The following WRN variants were observed in gnomAD, a reference collection of about 807,000 sequenced individuals.
The protein encoded by WRN is WRN RecQ like helicase.
WRN carries 149 observed loss-of-function variants against 180.7 expected under a neutral mutation model. The observed-to-expected ratio is 0.82, with a 90% CI of 0.72 to 0.94. The LOEUF is 0.94. Ranked by LOEUF, WRN falls within the 40% of genes least tolerant of loss-of-function variation. The pLI is 0.00. For missense variants in WRN, 1,661 were observed against 1,700.1 expected (o/e 0.98, Z 0.40); for synonymous variants, 548 against 568.9 (o/e 0.96, Z 0.52).
At chr8:31,043,835 G>A (rs1330692029) in intron 1 of WRN, among the ~76,000 whole-genome samples, 1 of 151,970 alleles carries the variant, frequency 6.6e-6, no homozygotes, top group Non-Finnish European at 1.5e-5. Context: ...CCTATTAATT[G>A]GTACCTCACC....
At chr8:31,062,051 G>A (rs1812505625) in intron 3 of WRN, among the ~76,000 whole-genome samples, 1 of 152,106 alleles carries the variant, frequency 6.6e-6, no homozygotes, top group African/African-American at 2.4e-5. Flanking sequence ...CTCTCCTTGG[G>A]ATTCTTCTCC....
chr8:31,155,933 T>TA (rs1256308100), intron 32 of WRN, among the ~76,000 whole-genome samples: 63 of 152,308 alleles, frequency 4.1e-4, no homozygotes, highest in Admixed American at 3.0e-3. Context: ...TAGCTTATCT[T>TA]ACTTACTGAA....
At chr8:31,035,272 A>AGTGT (rs998567516) in intron 1 of WRN, among the ~76,000 whole-genome samples, 2 of 151,416 alleles carry the variant, frequency 1.3e-5, no homozygotes, top group African/African-American at 4.8e-5. Context: ...GGGGATGAAG[A>AGTGT]GTGTGTGTGT....
chr8:31,080,267 A>G (rs1037498426), intron 8 of WRN, among the ~76,000 whole-genome samples: 5 of 152,184 alleles, frequency 3.3e-5, no homozygotes, highest in African/African-American at 1.2e-4. Context: ...TATACAGGCC[A>G]GCTCTTTGGA....
In WRN at chr8:31,083,695, A is replaced by G. The variant is rs769426897; in HGVS notation, c.1270-4A>G. On this transcript the variant is annotated splice_region_variant and splice_polypyrimidine_tract_variant and intron_variant, in intron 9 of 34. Transcript: ENST00000298139. ...GAAATTAATGCTTAATACTTTTTTT[A>G]AAGCATTTATCTCCCAATGATAATG... 7.5e-6 allele frequency: 12 copies of G among 1,609,648 alleles called. No homozygotes were observed. In the Admixed American group the frequency reaches 1.8e-4, roughly 25 times the overall value.
chr8:31,161,744 C>T (rs1803625285), intron 33 of WRN, among the ~76,000 whole-genome samples: 1 of 142,780 alleles, frequency 7.0e-6, no homozygotes, highest in African/African-American at 2.6e-5. Flanking sequence ...GAGGCTGAGG[C>T]AGGAGAATTG....
At position 31,140,003 on chromosome 8, in the gene WRN, G is replaced by GTTTTTTTTTTTTTTTTTT. The variant is rs71539917; in HGVS notation, c.2968-1414_2968-1397dup. On this transcript the variant is annotated intron_variant, in intron 24 of 34. Coordinates refer to ENST00000298139, the MANE Select transcript of WRN (RefSeq NM_000553.6). The stretch of plus-strand genomic sequence containing the variant: ...AAGCTCTATGTTTGTATACTTCTTT[G>GTTTTTTTTTTTTTTTTTT]TTTTTTTTTTTTTTTTTTTTTTTTT... Among the ~76,000 whole-genome samples, 8 of 62,086 alleles carry GTTTTTTTTTTTTTTTTTT rather than the reference G, an allele frequency of 1.3e-4. 1 individual carries two copies. The highest frequency in any genetic ancestry group is 2.4e-4 in the African/African-American group (4 of 16,498). 40.7% of individuals were successfully genotyped at this position (62,086 alleles called of 152,430 possible).
At chr8:31,108,651 A>ATGT in intron 18 of WRN, among the ~76,000 whole-genome samples, 1 of 152,144 alleles carries the variant, frequency 6.6e-6, no homozygotes, top group Non-Finnish European at 1.5e-5. Context: ...TAAAAAAAAA[A>ATGT]ATCCCCTTGT....
intron 33 of WRN, among the ~76,000 whole-genome samples, chr8:31,162,728 G>A (rs1803680996): frequency 2.6e-5 from 4 of 152,154 alleles, no homozygotes; most frequent in African/African-American, 9.7e-5. Flanking sequence ...TAGGTGGTAG[G>A]AACTTTTCAG....
intron 1 of WRN, among the ~76,000 whole-genome samples, chr8:31,036,212 T>TA (rs1811448945): frequency 6.6e-6 from 1 of 152,276 alleles, no homozygotes; most frequent in African/African-American, 2.4e-5. Context: ...TTATTATGGC[T>TA]TAATACTATT....
intron 18 of WRN, among the ~76,000 whole-genome samples, chr8:31,107,936 G>T (rs1289565873): frequency 6.6e-6 from 1 of 152,166 alleles, no homozygotes; most frequent in Non-Finnish European, 1.5e-5. Flanking sequence ...CACATAGTAG[G>T]TACTCAGTAA....
At chr8:31,112,403 T>C (rs959055523) in intron 19 of WRN, among the ~76,000 whole-genome samples, 13 of 152,210 alleles carry the variant, frequency 8.5e-5, no homozygotes, top group Admixed American at 7.2e-4. Context: ...CAAGGACTAT[T>C]GTAGGCGCTT....
intron 21 of WRN, among the ~76,000 whole-genome samples, 160 bp from the exon 22 acceptor site, chr8:31,124,362 A>G (rs569587588): frequency 1.3e-5 from 2 of 152,194 alleles, no homozygotes; most frequent in South Asian, 2.1e-4. Context: ...CTGGAAAGGA[A>G]TACAACAGAA....
intron 18 of WRN, among the ~76,000 whole-genome samples, chr8:31,110,448 GA>G (rs1206779870): frequency 2.0e-5 from 3 of 151,916 alleles, no homozygotes; most frequent in Non-Finnish European, 4.4e-5. Flanking sequence ...TTTTTAATTT[GA>G]AAAAACCTAC....
intron 17 of WRN, among the ~76,000 whole-genome samples, chr8:31,098,766 C>T (rs533863388): frequency 2.6e-5 from 4 of 152,224 alleles, no homozygotes; most frequent in African/African-American, 9.6e-5. Flanking sequence ...AGGCTCCTTA[C>T]CAACCAGACT....
intron 21 of WRN, among the ~76,000 whole-genome samples, chr8:31,121,493 A>G (rs1231459527): frequency 6.6e-6 from 1 of 152,026 alleles, no homozygotes; most frequent in Non-Finnish European, 1.5e-5. Flanking sequence ...ATAACTATGG[A>G]TACATAGGCT....
chr8:31,145,034 A>G (rs1229902074), intron 28 of WRN, among the ~76,000 whole-genome samples: 1 of 152,242 alleles, frequency 6.6e-6, no homozygotes, highest in Non-Finnish European at 1.5e-5. Flanking sequence ...AGGTTGGTTC[A>G]TGAGGTTTAA....
intron 23 of WRN, among the ~76,000 whole-genome samples, 177 bp downstream of exon 23, chr8:31,125,177 G>A (rs556717591): frequency 2.6e-5 from 4 of 151,686 alleles, no homozygotes; most frequent in African/African-American, 4.8e-5. Flanking sequence ...AATAGATAAA[G>A]CAATAAAATG....
At chr8:31,133,105 C>T (rs1350557792) in intron 24 of WRN, among the ~76,000 whole-genome samples, 4 of 152,010 alleles carry the variant, frequency 2.6e-5, no homozygotes, top group Non-Finnish European at 4.4e-5. Flanking sequence ...TAAACAACCA[C>T]GGGTACAAAT....
Sources: allele counts gnomAD v4.1 joint callset (sites outside exome capture counted in the v4.1 genomes callset), GRCh38; gene constraint gnomAD v4.1.1; transcripts MANE v1.5; gene names NCBI Gene and HGNC (gene_info 2026-07-23, HGNC 2026-07-21).